The following CTBP1 variants were observed in gnomAD, a reference collection of about 807,000 sequenced individuals.
CTBP1 encodes C-terminal binding protein 1, also known as C-terminal-binding protein 1.
A neutral mutation model predicts 42.1 loss-of-function variants in CTBP1; 11 were observed. The ratio of observed to expected loss-of-function variants is 0.26; its 90% CI spans 0.16 to 0.43. CTBP1 has a LOEUF of 0.43. Among genes scored for constraint, CTBP1 ranks in the 20% least tolerant of loss-of-function variants. The pLI is 1.00. For missense variants in CTBP1, 399 were observed against 624.3 expected (o/e 0.64, Z 3.85); for synonymous variants, 324 against 277.1 (o/e 1.17, Z -1.68).
intron 3 of CTBP1, chr4:1,237,036 T>C (rs1731588961): frequency 6.0e-6 from 4 of 665,796 alleles, no homozygotes; most frequent in Non-Finnish European, 1.1e-5. Flanking sequence ...GTCCACCTCC[T>C]GATGGCGCTC....
In CTBP1 at chr4:1,242,198, G is replaced by A. The variant is rs925477487; in HGVS notation, c.-188-679C>T. The A allele has an allele frequency of 1.4e-4, 138 of 985,328 alleles. No individual in the cohort carries two copies. In the Middle Eastern group the frequency reaches 2.1e-3, roughly 15 times the overall value. The allele number at this position is 985,328 out of a possible 1,614,324, so 61.0% of individuals were successfully genotyped here. ...CCAGTGGCTGAATGCACAGGGGCAG[G>A]GGGCCCCTGAGAGGGCCAAGCCTTC... On this transcript the variant is annotated intron_variant, in intron 1 of 9. Transcript: ENST00000382952.
intron 1 of CTBP1, chr4:1,245,187 G>C: frequency 2.0e-6 from 2 of 985,470 alleles, no homozygotes; most frequent in Non-Finnish European, 2.4e-6. Context: ...TGTGAGCCAG[G>C]GAGCCACCGC....
intron 3 of CTBP1, among the ~76,000 whole-genome samples, chr4:1,230,173 G>A (rs554135357): frequency 1.3e-4 from 20 of 152,096 alleles, no homozygotes; most frequent in African/African-American, 4.3e-4. Flanking sequence ...CAGTGTGGAC[G>A]GGGTGAACCC....
chr4:1,225,400 A>G lies in CTBP1; in HGVS notation c.474T>C (p.Ala158=), dbSNP rs1284583114. ...VEQIREVASG[A]ARIRGETLGI... Reference sequence around the variant, plus strand: ...CCAAGGTCTCCCCGCGGATCCTGGCAGCGCCGGACGCCACCTCGCGGATCT... The same window carrying G: ...CCAAGGTCTCCCCGCGGATCCTGGCGGCGCCGGACGCCACCTCGCGGATCT... Residue 158 remains alanine, a synonymous_variant, in exon 5 of 10, where the codon GCT becomes GCC. Coordinates refer to ENST00000382952, the MANE Select transcript of CTBP1 (RefSeq NM_001012614.2). The G allele has an allele frequency of 2.6e-6, 4 of 1,567,016 alleles. No homozygotes were observed. The highest frequency in any genetic ancestry group is 1.7e-4 in the Middle Eastern group (1 of 5,892).
At chr4:1,244,656 C>G in intron 1 of CTBP1, 1 of 985,414 alleles carries the variant, frequency 1.0e-6, no homozygotes, top group Non-Finnish European at 1.2e-6. Context: ...GGCTCCCCGA[C>G]CACCAGAAGG....
At chr4:1,218,106 A>G (rs1453354034) in intron 5 of CTBP1, 1 of 152,210 alleles carries the variant, frequency 6.6e-6, no homozygotes, top group Non-Finnish European at 1.5e-5. Context: ...AAAAGAATTT[A>G]AAAAATAAAT....
At chr4:1,215,819 C>T (rs1035947265) in intron 6 of CTBP1, 172 bp downstream of exon 6, 26 of 648,440 alleles carry the variant, frequency 4.0e-5, no homozygotes, top group African/African-American at 3.6e-4. Context: ...ACACAGAAAA[C>T]GCTGTCTGGG....
At chr4:1,214,526 C>T (rs1728896953) in intron 6 of CTBP1, 53 bp from the exon 7 acceptor site, 1 of 1,510,554 alleles carries the variant, frequency 6.6e-7, no homozygotes, top group Non-Finnish European at 8.8e-7. Flanking sequence ...ACAGGGCGGG[C>T]AGCCAGGGAA....
chr4:1,232,276 G>A (rs1257729968), intron 3 of CTBP1, among the ~76,000 whole-genome samples: 4 of 152,142 alleles, frequency 2.6e-5, no homozygotes, highest in South Asian at 2.1e-4. Flanking sequence ...TACCTCTCCC[G>A]TTTTTATTTT....
chr4:1,238,442 G>A lies in CTBP1; in HGVS notation c.8-105C>T. ...ACGGGCCAACGAGGGCCGACCGCCG[G>A]GGGTTTTCTGGTCTATATGTTGTGA... On this transcript the variant is annotated intron_variant, in intron 2 of 9. Transcript: ENST00000382952. The surrounding 1 kb of genome is among the most constrained non-coding windows in gnomAD (Gnocchi z 5.9). 2 of 1,322,478 alleles carry A rather than the reference G, an allele frequency of 1.5e-6. No individual in the cohort carries two copies. The highest frequency in any genetic ancestry group is 3.0e-5 in the South Asian group (2 of 65,874). The allele number at this position is 1,322,478 out of a possible 1,614,324, so 81.9% of individuals were successfully genotyped here.
chr4:1,239,986 A>G (rs1007828758), intron 2 of CTBP1, among the ~76,000 whole-genome samples: 1 of 152,230 alleles, frequency 6.6e-6, no homozygotes, highest in Non-Finnish European at 1.5e-5. Context: ...ATGACTTCTC[A>G]TGAGCAGAAA....
At chr4:1,220,638 G>A (rs1160926491) in intron 5 of CTBP1, among the ~76,000 whole-genome samples, 1 of 152,256 alleles carries the variant, frequency 6.6e-6, no homozygotes, top group Non-Finnish European at 1.5e-5. Context: ...AGCGTCACAT[G>A]GGAGGAAAGG....
chr4:1,221,991 G>A (rs1729789914), intron 5 of CTBP1, among the ~76,000 whole-genome samples: 1 of 152,204 alleles, frequency 6.6e-6, no homozygotes, highest in Non-Finnish European at 1.5e-5. Flanking sequence ...CCAACACCGT[G>A]AGCCACACGC....
chr4:1,214,334 T>TG lies in CTBP1; in HGVS notation c.860+8dup, dbSNP rs769989088. On this transcript the variant is annotated intron_variant, in intron 7 of 9. Transcript: ENST00000382952. ...AAGAGCAGGGGGGCGGCACTGGCCG[T>TG]GGGGGCACCTGAAGGGTTCCGACTC... 6.5e-7 allele frequency: 1 copy of TG among 1,543,708 alleles called. No individual in the cohort carries two copies. The highest frequency in any genetic ancestry group is 8.7e-7 in the Non-Finnish European group (1 of 1,152,884).
chr4:1,239,470 C>T (rs1018906703), intron 2 of CTBP1, among the ~76,000 whole-genome samples: 15 of 152,332 alleles, frequency 9.8e-5, no homozygotes, highest in African/African-American at 3.4e-4. Context: ...CTCCAGTGGC[C>T]GCGGCCACAA....
At position 1,211,922 on chromosome 4, in the gene CTBP1, G is replaced by C. The variant is rs1489307838; in HGVS notation, c.*318C>G. The C allele has an allele frequency of 4.0e-6, 1 of 250,282 alleles. No homozygotes were observed. The highest frequency in any genetic ancestry group is 7.5e-6 in the Non-Finnish European group (1 of 133,064). The allele number at this position is 250,282 out of a possible 1,614,324, so 15.5% of individuals were successfully genotyped here. On this transcript the variant is annotated 3_prime_UTR_variant, in exon 10 of 10. Coordinates refer to ENST00000382952, the MANE Select transcript of CTBP1 (RefSeq NM_001012614.2). ...AATTGACTTCCAAATGCTCCTTCAG[G>C]TTTTCTTTTTGTTGACAGCTAAGCA...
At position 1,212,179 on chromosome 4, in the gene CTBP1, T is replaced by A. The variant is rs1047212435; in HGVS notation, c.*61A>T. The A allele has an allele frequency of 7.4e-7, 1 of 1,343,694 alleles. No homozygotes were observed. Among genetic ancestry groups the A allele is most frequent in the Non-Finnish European group, 9.7e-7 (1 of 1,026,732 alleles). The allele number at this position is 1,343,694 out of a possible 1,614,324, so 83.2% of individuals were successfully genotyped here. A position where few individuals can be genotyped will look rare whatever the true frequency, so the allele number is the denominator to read the frequency against. On this transcript the variant is annotated 3_prime_UTR_variant, in exon 10 of 10. Coordinates refer to ENST00000382952, the MANE Select transcript of CTBP1 (RefSeq NM_001012614.2). ...CCACACAGATGCCTCCTCCACACAC[T>A]CTGGTCCGAGGGTTTCCGGGCCCTC...
chr4:1,220,283 T>C (rs1577028110), intron 5 of CTBP1, among the ~76,000 whole-genome samples: 1 of 147,418 alleles, frequency 6.8e-6, no homozygotes, highest in Non-Finnish European at 1.5e-5. Flanking sequence ...AGAGCAAGAC[T>C]GTCTCCAAAA....
chr4:1,245,684 T>C (rs1351169522), intron 1 of CTBP1: 3 of 954,830 alleles, frequency 3.1e-6, no homozygotes, highest in Non-Finnish European at 1.2e-6. Flanking sequence ...GTGGCACGGG[T>C]GGGCAGGGTG....
Sources: gnomAD v4.1 joint callset for allele counts (sites outside exome capture counted in the v4.1 genomes callset) on GRCh38, gnomAD v4.1.1 for gene constraint, Gnocchi (gnomAD v3.1) non-coding constraint, MANE v1.5 for transcripts, NCBI Gene and HGNC (gene_info 2026-07-23, HGNC 2026-07-21) for gene names.